Variants in SPATA6L observed in about 807,000 individuals in gnomAD.
SPATA6L encodes spermatogenesis associated 6 like, also known as spermatogenesis associated 6-like protein.
Under a neutral mutation model 49.2 loss-of-function variants are expected in SPATA6L, and 68 were observed. The ratio of observed to expected loss-of-function variants is 1.38; its 90% CI spans 1.14 to 1.69. The LOEUF (loss-of-function observed/expected upper bound fraction) is 1.69, where lower values mean the gene tolerates loss of function less well. Ranked by LOEUF, SPATA6L falls within the 40% of genes most tolerant of loss-of-function variation. SPATA6L has a pLI of 0.00. For missense variants in SPATA6L, 668 were observed against 464.3 expected (o/e 1.44, Z -4.03); for synonymous variants, 198 against 165.7 (o/e 1.19, Z -1.50).
intron 1 of SPATA6L, chr9:4,663,392 C>T: frequency 1.0e-6 from 1 of 966,596 alleles, no homozygotes; most frequent in East Asian, 2.4e-5. Flanking sequence ...TTCAGGTGTC[C>T]CATGATCTTG....
intron 3 of SPATA6L, among the ~76,000 whole-genome samples, chr9:4,648,475 G>A (rs1217128621): frequency 5.9e-5 from 9 of 152,050 alleles, no homozygotes; most frequent in South Asian, 2.1e-4. Flanking sequence ...CGAGGCGGGC[G>A]GATCACAAGG....
Position 4,662,251 on chromosome 9 carries a change from ATCGCGC to A in SPATA6L, c.40-221_40-216del. ...TCCCACGTCTCCACCAGGTGTCACA[ATCGCGC>A]TCTCGCCGGCTCCTCTCCCCGCCCC... On this transcript the variant is annotated intron_variant, in intron 1 of 11. Transcript: ENST00000682582. This position sits in a 1 kb window ranked among gnomAD's most constrained non-coding sequence, Gnocchi z 4.9. 7.0e-7 allele frequency: 1 copy of A among 1,433,732 alleles called. No homozygotes were observed. The highest frequency in any genetic ancestry group is 1.5e-5 in the South Asian group (1 of 67,054). The allele number at this position is 1,433,732 out of a possible 1,614,324, so 88.8% of individuals were successfully genotyped here. A position where few individuals can be genotyped will look rare whatever the true frequency, so the allele number is the denominator to read the frequency against.
At chr9:4,621,631 G>A (rs1829322466) in intron 7 of SPATA6L, among the ~76,000 whole-genome samples, 1 of 152,120 alleles carries the variant, frequency 6.6e-6, no homozygotes, top group Non-Finnish European at 1.5e-5. Flanking sequence ...TGGGACTACA[G>A]GCATGTGCCA....
intron 9 of SPATA6L, among the ~76,000 whole-genome samples, chr9:4,609,630 T>C (rs1170810483): frequency 6.6e-6 from 1 of 151,518 alleles, no homozygotes; most frequent in African/African-American, 2.4e-5. Context: ...AAATTAGGTA[T>C]TGATGGGACG....
At chr9:4,638,760 G>C (rs527484327) in intron 3 of SPATA6L, among the ~76,000 whole-genome samples, 1 of 151,382 alleles carries the variant, frequency 6.6e-6, no homozygotes, top group Admixed American at 6.6e-5. Flanking sequence ...ATAGTGTTAA[G>C]AACTCTTTTC....
At position 4,599,846 on chromosome 9, in the gene SPATA6L, G is replaced by C. The variant is rs1261195421; in HGVS notation, c.*965C>G. 6.6e-6 allele frequency among the ~76,000 whole-genome samples: 1 copy of C among 152,156 alleles called. No individual in the cohort carries two copies. The highest frequency in any genetic ancestry group is 1.5e-5 in the Non-Finnish European group (1 of 68,024). ...AGGGGACACAAACATTCACACTATA[G>C]TAGGGCTGGTAGAGGAAAATGCTAT... On this transcript the variant is annotated 3_prime_UTR_variant, in exon 12 of 12. Transcript: ENST00000682582.
chr9:4,625,604 G>T lies in SPATA6L; in HGVS notation c.430-38C>A, dbSNP rs996830877. 4.3e-6 allele frequency: 6 copies of T among 1,382,530 alleles called. No individual in the cohort carries two copies. The East Asian group carries it at 1.3e-4, about 30-fold the overall frequency. 85.6% of individuals were successfully genotyped at this position (1,382,530 alleles called of 1,614,324 possible). ...AAAAAAGAATATTTTTTAAAATAAA[G>T]AAAGAAAAGAAGAAAATTCAATCAG... On this transcript the variant is annotated intron_variant, in intron 5 of 11. Coordinates refer to ENST00000682582, the MANE Select transcript of SPATA6L (RefSeq NM_001353486.2).
chr9:4,613,814 C>T (rs929122239), intron 9 of SPATA6L, among the ~76,000 whole-genome samples: 1 of 152,116 alleles, frequency 6.6e-6, no homozygotes, highest in African/African-American at 2.4e-5. Context: ...GAATTCCTGA[C>T]CTCAAGTGAT....
chr9:4,645,395 G>T (rs1835143562), intron 3 of SPATA6L, among the ~76,000 whole-genome samples: 1 of 152,128 alleles, frequency 6.6e-6, no homozygotes, highest in South Asian at 2.1e-4. Context: ...TTACAGTTAT[G>T]GAGGCTGAGA....
At position 4,662,969 on chromosome 9, in the gene SPATA6L, C is replaced by T. The variant is rs369771555; in HGVS notation, c.40-933G>A. The T allele has an allele frequency of 6.4e-5, 103 of 1,612,790 alleles. No homozygotes were observed. Among genetic ancestry groups the T allele is most frequent in the Admixed American group, 8.3e-5 (5 of 59,972 alleles). The stretch of plus-strand genomic sequence containing the variant: ...GCCGCCCGGCCCACAACCAGATGGA[C>T]ATGTTTGTCACTCTCTCGGTGGACA... On this transcript the variant is annotated intron_variant, in intron 1 of 11. Transcript: ENST00000682582. The surrounding 1 kb of genome is among the most constrained non-coding windows in gnomAD (Gnocchi z 4.9).
intron 13 of SPATA6L, among the ~76,000 whole-genome samples, chr9:4,590,728 C>T (rs1316487182): frequency 2.6e-5 from 4 of 152,136 alleles, no homozygotes; most frequent in Non-Finnish European, 5.9e-5. Flanking sequence ...AGAAACTTGC[C>T]TCACAAAAGC....
rs1339323854 is a variant in SPATA6L, at chr9:4,600,035, T to G, written c.*776A>C. On this transcript the variant is annotated 3_prime_UTR_variant, in exon 12 of 12. Coordinates refer to ENST00000682582, the MANE Select transcript of SPATA6L (RefSeq NM_001353486.2). ...CATTTCATAGATGCACCTTCCTAAC[T>G]AACTTTAAAACCTGGCATTGGCAGT... Among the ~76,000 whole-genome samples the G allele has an allele frequency of 1.3e-5, 2 of 152,228 alleles. No individual in the cohort carries two copies. Among genetic ancestry groups the G allele is most frequent in the Non-Finnish European group, 2.9e-5 (2 of 68,038 alleles).
chr9:4,620,022 C>T (rs958356761), intron 7 of SPATA6L, among the ~76,000 whole-genome samples: 5 of 152,154 alleles, frequency 3.3e-5, no homozygotes, highest in Non-Finnish European at 5.9e-5. Context: ...CCCCTCCCCA[C>T]GTCACCGGTA....
intron 5 of SPATA6L, 153 bp from the exon 6 acceptor site, chr9:4,625,719 T>C: frequency 1.9e-6 from 1 of 517,388 alleles, no homozygotes; most frequent in Non-Finnish European, 3.1e-6. Context: ...GAAGGACATT[T>C]CTCTAATTTT....
chr9:4,611,824 C>A lies in SPATA6L; in HGVS notation c.995+6099G>T, dbSNP rs964393111. ...AATAAAAGAAAAAAAAATTTTTAAT[C>A]CAAAAAATTTTAATATAAAATTTAA... On this transcript the variant is annotated intron_variant, in intron 9 of 11. Coordinates refer to ENST00000682582, the MANE Select transcript of SPATA6L (RefSeq NM_001353486.2). Among the ~76,000 whole-genome samples the A allele has an allele frequency of 3.9e-5, 6 of 152,044 alleles. No homozygotes were observed. In the South Asian group the frequency reaches 1.3e-3, roughly 32 times the overall value.
In SPATA6L at chr9:4,613,281, A is replaced by G. The variant is rs563859571; in HGVS notation, c.995+4642T>C. On this transcript the variant is annotated intron_variant, in intron 9 of 11. Coordinates refer to ENST00000682582, the MANE Select transcript of SPATA6L (RefSeq NM_001353486.2). Reference sequence around the variant, plus strand: ...GAAAATGATTCTCTTTAATTAATGTATGGTAAACACTGGAAATGACAGGAA... The same window carrying G: ...GAAAATGATTCTCTTTAATTAATGTGTGGTAAACACTGGAAATGACAGGAA... Among the ~76,000 whole-genome samples, 160 of 152,168 alleles carry G rather than the reference A, an allele frequency of 1.1e-3. No individual in the cohort carries two copies. The South Asian group carries it at 0.015, about 14-fold the overall frequency.
rs776198696 is a variant in SPATA6L, at chr9:4,662,686, G to T, written c.40-650C>A. The T allele has an allele frequency of 1.0e-5, 16 of 1,600,696 alleles. No individual in the cohort carries two copies. The highest frequency in any genetic ancestry group is 7.7e-5 in the South Asian group (7 of 91,094). On this transcript the variant is annotated intron_variant, in intron 1 of 11. Coordinates refer to ENST00000682582, the MANE Select transcript of SPATA6L (RefSeq NM_001353486.2). The surrounding 1 kb of genome is among the most constrained non-coding windows in gnomAD (Gnocchi z 4.9). ...CCGTCCTTCCTGGGCATCGCCCTGC[G>T]CTCCCTGCTGGCCATCGACCTGTGG...
chr9:4,650,013 G>C (rs1039662858), intron 3 of SPATA6L, among the ~76,000 whole-genome samples: 1 of 152,122 alleles, frequency 6.6e-6, no homozygotes, highest in Non-Finnish European at 1.5e-5. Context: ...AAATCAACTT[G>C]GGTATTGAAT....
chr9:4,604,333 G>C (rs1445334426), intron 10 of SPATA6L, 64 bp from the exon 11 acceptor site: 5 of 1,104,720 alleles, frequency 4.5e-6, no homozygotes, highest in Admixed American at 1.9e-5. Flanking sequence ...ATGATACCCA[G>C]ATGTGTAGTT....
Sources: gnomAD v4.1 joint callset for allele counts (sites outside exome capture counted in the v4.1 genomes callset) on GRCh38, gnomAD v4.1.1 for gene constraint, Gnocchi (gnomAD v3.1) non-coding constraint, MANE v1.5 for transcripts, NCBI Gene and HGNC (gene_info 2026-07-23, HGNC 2026-07-21) for gene names.